The following RABGAP1L variants were observed in gnomAD, a reference collection of about 807,000 sequenced individuals.
The protein encoded by RABGAP1L is RAB GTPase activating protein 1 like, also known as rab GTPase-activating protein 1-like.
Under a neutral mutation model 137.7 loss-of-function variants are expected in RABGAP1L, and 63 were observed. That is an observed-to-expected ratio of 0.46 (90% CI 0.37 to 0.56). RABGAP1L has a LOEUF of 0.56. RABGAP1L is among the 20% of genes least tolerant of loss of function. The pLI, the probability that RABGAP1L is intolerant of heterozygous loss-of-function variation, is 0.00. For synonymous variants in RABGAP1L, 431 were observed against 433.7 expected (o/e 0.99, Z 0.08); for missense variants, 1,095 against 1,244.0 (o/e 0.88, Z 1.80).
intron 22 of RABGAP1L, among the ~76,000 whole-genome samples, chr1:174,976,881 C>T (rs185258115): frequency 1.4e-4 from 21 of 152,332 alleles, no homozygotes; most frequent in Admixed American, 6.5e-4. Context: ...GAACATGCTG[C>T]TTCATCAGTG....
chr1:174,824,365 C>T (rs997573100), intron 19 of RABGAP1L, among the ~76,000 whole-genome samples: 1 of 151,902 alleles, frequency 6.6e-6, no homozygotes, highest in Non-Finnish European at 1.5e-5. Flanking sequence ...CATGGTGACA[C>T]ACGCCTATAG....
chr1:174,169,181 C>T (rs1665145818), intron 1 of RABGAP1L, among the ~76,000 whole-genome samples: 1 of 152,038 alleles, frequency 6.6e-6, no homozygotes, highest in Non-Finnish European at 1.5e-5. Context: ...GTTGGTATCA[C>T]ACACAATAAA....
intron 13 of RABGAP1L, among the ~76,000 whole-genome samples, chr1:174,434,134 C>T (rs1243736995): frequency 6.6e-6 from 1 of 151,980 alleles, no homozygotes; most frequent in Non-Finnish European, 1.5e-5. Flanking sequence ...CACACACACA[C>T]ACACACACAC....
At chr1:174,162,771 C>CTT in intron 1 of RABGAP1L, among the ~76,000 whole-genome samples, 2 of 40,766 alleles carry the variant, frequency 4.9e-5, no homozygotes, top group Non-Finnish European at 5.0e-5. Flanking sequence ...TTTTTTTTCT[C>CTT]TTTCTGTTTT....
Position 174,467,202 on chromosome 1 carries a change from A to G in RABGAP1L, c.1710+73057A>G, listed in dbSNP as rs1053523563. On this transcript the variant is annotated intron_variant, in intron 13 of 25. Coordinates refer to ENST00000681986, the MANE Select transcript of RABGAP1L (RefSeq NM_001366446.1). ...AACATCTTTATTTTTTACATCTTAT[A>G]TGCCATCTGTCTAGAATTTTACTAG... 2.0e-5 allele frequency among the ~76,000 whole-genome samples: 3 copies of G among 152,276 alleles called. No homozygotes were observed. The East Asian group carries it at 5.8e-4, about 29-fold the overall frequency.
intron 14 of RABGAP1L, among the ~76,000 whole-genome samples, chr1:174,675,897 G>T (rs1677586006): frequency 6.6e-6 from 1 of 152,064 alleles, no homozygotes; most frequent in Non-Finnish European, 1.5e-5. Flanking sequence ...TTAATAGCCA[G>T]ATTTGTATTC....
chr1:174,963,067 C>A (rs1299203480), intron 20 of RABGAP1L, among the ~76,000 whole-genome samples: 1 of 151,920 alleles, frequency 6.6e-6, no homozygotes, highest in African/African-American at 2.4e-5. Context: ...CCACTGGACT[C>A]CTGCCTGGGT....
At chr1:174,639,564 T>C (rs1557938562) in intron 14 of RABGAP1L, among the ~76,000 whole-genome samples, 1 of 152,096 alleles carries the variant, frequency 6.6e-6, no homozygotes, top group Non-Finnish European at 1.5e-5. Flanking sequence ...CCCTAGCATA[T>C]AGTATATTTT....
chr1:174,323,390 TAAAG>T (rs1200016383), intron 11 of RABGAP1L, among the ~76,000 whole-genome samples: 3 of 152,068 alleles, frequency 2.0e-5, no homozygotes, highest in African/African-American at 7.2e-5. Flanking sequence ...ATAAACAAAA[TAAAG>T]ATACTCTCCT....
intron 19 of RABGAP1L, chr1:174,893,109 T>C: frequency 2.8e-6 from 1 of 351,130 alleles, no homozygotes; most frequent in South Asian, 2.7e-5. Flanking sequence ...GTGACAAATT[T>C]TTTATAATAC....
At chr1:174,568,218 C>T (rs144314451) in intron 13 of RABGAP1L, among the ~76,000 whole-genome samples, 51 of 152,166 alleles carry the variant, frequency 3.4e-4, no homozygotes, top group African/African-American at 1.1e-3. Context: ...ATCTGTGAAC[C>T]TAGATGAGTG....
chr1:174,969,303 C>T lies in RABGAP1L; in HGVS notation c.2460C>T (p.Ala820=). The part of the protein sequence containing the change: ...YKRENRRLQE[A]SMRLEQENDD... ...GGGAGAACCGAAGATTACAGGAGGC[C>T]AGCATGAGGTTGGAACAAGAGAATG... Residue 820 remains alanine, a synonymous_variant, in exon 21 of 26, where the codon GCC becomes GCT. Coordinates refer to ENST00000681986, the MANE Select transcript of RABGAP1L (RefSeq NM_001366446.1). The T allele has an allele frequency of 6.4e-7, 1 of 1,550,806 alleles. No individual in the cohort carries two copies. The highest frequency in any genetic ancestry group is 8.7e-7 in the Non-Finnish European group (1 of 1,146,998).
intron 11 of RABGAP1L, among the ~76,000 whole-genome samples, chr1:174,314,470 T>A (rs567690603): frequency 6.6e-6 from 1 of 152,304 alleles, no homozygotes; most frequent in East Asian, 1.9e-4. Flanking sequence ...TTTGTTTCAT[T>A]GATTGTTCAT....
At chr1:174,737,350 C>T (rs1243494185) in intron 17 of RABGAP1L, among the ~76,000 whole-genome samples, 2 of 152,158 alleles carry the variant, frequency 1.3e-5, no homozygotes, top group South Asian at 2.1e-4. Context: ...GACTCAGACA[C>T]GATGCAGCCA....
At chr1:174,547,942 A>G (rs1313186611) in intron 13 of RABGAP1L, 2 of 1,550,236 alleles carry the variant, frequency 1.3e-6, no homozygotes, top group African/African-American at 1.4e-5. Context: ...GCAATTTGAC[A>G]TTAGACTTGA....
chr1:174,331,116 G>A (rs1396941939), intron 11 of RABGAP1L, among the ~76,000 whole-genome samples: 1 of 152,174 alleles, frequency 6.6e-6, no homozygotes, highest in Non-Finnish European at 1.5e-5. Context: ...AAATGGAACT[G>A]GGAAAACTGG....
At chr1:174,619,978 G>A (rs192939037) in intron 13 of RABGAP1L, among the ~76,000 whole-genome samples, 118 of 152,148 alleles carry the variant, frequency 7.8e-4, no homozygotes, top group African/African-American at 2.7e-3. Flanking sequence ...AAAAAGGTAC[G>A]GGTTGCAATC....
chr1:174,824,220 G>A (rs919581393), intron 19 of RABGAP1L, among the ~76,000 whole-genome samples: 3 of 152,122 alleles, frequency 2.0e-5, no homozygotes, highest in East Asian at 1.9e-4. Flanking sequence ...AACCAGGAAG[G>A]CAGAGGTTGC....
intron 17 of RABGAP1L, among the ~76,000 whole-genome samples, chr1:174,738,811 A>C (rs1246449415): frequency 6.6e-6 from 1 of 152,248 alleles, no homozygotes; most frequent in African/African-American, 2.4e-5. Flanking sequence ...CTATGTTTAA[A>C]TGGGAATGAA....
Sources: gnomAD v4.1 joint callset for allele counts (sites outside exome capture counted in the v4.1 genomes callset) on GRCh38, gnomAD v4.1.1 for gene constraint, MANE v1.5 for transcripts, NCBI Gene and HGNC (gene_info 2026-07-23, HGNC 2026-07-21) for gene names.